The following USH2A variants were observed in gnomAD, a reference collection of about 807,000 sequenced individuals.
USH2A encodes Usher syndrome 2A (autosomal recessive, mild).
A neutral mutation model predicts 538.9 loss-of-function variants in USH2A; 443 were observed. That is an observed-to-expected ratio of 0.82 (90% CI 0.76 to 0.89). The LOEUF (loss-of-function observed/expected upper bound fraction) is 0.89. Ranked by LOEUF, USH2A falls within the 40% of genes least tolerant of loss-of-function variation. USH2A has a pLI of 0.00. For missense variants in USH2A, 6,633 were observed against 6,324.8 expected (o/e 1.05, Z -1.65); for synonymous variants, 2,413 against 2,273.5 (o/e 1.06, Z -1.75).
At chr1:216,280,118 T>C (rs1193994230) in intron 11 of USH2A, among the ~76,000 whole-genome samples, 1 of 151,414 alleles carries the variant, frequency 6.6e-6, no homozygotes, top group Non-Finnish European at 1.5e-5. Flanking sequence ...ATTTGATTGA[T>C]CTGAACTTAA....
chr1:216,267,018 T>C (rs1413376700), intron 11 of USH2A, among the ~76,000 whole-genome samples: 2 of 152,010 alleles, frequency 1.3e-5, no homozygotes, highest in Non-Finnish European at 2.9e-5. Context: ...CTGTGTATAA[T>C]TGGTATTTGA....
intron 58 of USH2A, among the ~76,000 whole-genome samples, chr1:215,758,038 C>T (rs1042207251): frequency 6.6e-6 from 1 of 151,916 alleles, no homozygotes; most frequent in African/African-American, 2.4e-5. Context: ...AATCCCAGCA[C>T]TTTGGGAGGC....
intron 11 of USH2A, among the ~76,000 whole-genome samples, chr1:216,262,312 C>A (rs1445965762): frequency 6.6e-6 from 1 of 151,528 alleles, no homozygotes; most frequent in Non-Finnish European, 1.5e-5. Context: ...AGATATGCAA[C>A]TGAAAAAAAT....
chr1:216,163,683 C>A (rs1465631103), intron 21 of USH2A, among the ~76,000 whole-genome samples: 2 of 151,814 alleles, frequency 1.3e-5, no homozygotes, highest in East Asian at 3.9e-4. Flanking sequence ...GAGGCTTTAT[C>A]TGAGGAAGAA....
intron 3 of USH2A, among the ~76,000 whole-genome samples, chr1:216,386,572 G>A (rs917115742): frequency 6.7e-6 from 1 of 149,550 alleles, no homozygotes; most frequent in Non-Finnish European, 1.5e-5. Context: ...TATATGCTGG[G>A]TGTGGTGTCT....
At chr1:216,251,537 G>A (rs1011611599) in intron 11 of USH2A, among the ~76,000 whole-genome samples, 3 of 127,968 alleles carry the variant, frequency 2.3e-5, no homozygotes, top group African/African-American at 8.7e-5. Flanking sequence ...TGCAAGCTCC[G>A]CCTTCTGGGT....
intron 9 of USH2A, among the ~76,000 whole-genome samples, chr1:216,300,695 T>C (rs1014392731): frequency 6.6e-6 from 1 of 151,594 alleles, no homozygotes; most frequent in Non-Finnish European, 1.5e-5. Context: ...AGATAACCCA[T>C]AGTCTCCAAA....
chr1:216,277,286 G>T (rs1043123036), intron 11 of USH2A, among the ~76,000 whole-genome samples: 1 of 151,984 alleles, frequency 6.6e-6, no homozygotes, highest in African/African-American at 2.4e-5. Flanking sequence ...CCTTGTTCCT[G>T]GGGCTTCTCT....
chr1:215,900,117 T>G lies in USH2A; in HGVS notation c.7552A>C (p.Ser2518Arg), dbSNP rs752937814. The change falls in exon 40 of 72, where the codon AGT becomes CGT. Residue 2518 changes from serine (S) to arginine (R), a missense_variant. Coordinates refer to ENST00000307340, the MANE Select transcript of USH2A (RefSeq NM_206933.4). ...AATGGAATCCAAGAACTATGTGCACTGCCAAATCCATTGGAGGCAACCAAC... is the reference window on the plus strand; with the variant it reads ...AATGGAATCCAAGAACTATGTGCACGGCCAAATCCATTGGAGGCAACCAAC... ...FRLVASNGFG[S>R]AHSSWIPFMT... 1.2e-6 allele frequency: 2 copies of G among 1,613,746 alleles called. No homozygotes were observed. The highest frequency in any genetic ancestry group is 1.7e-6 in the Non-Finnish European group (2 of 1,179,768).
intron 20 of USH2A, among the ~76,000 whole-genome samples, chr1:216,184,823 C>T (rs1181030238): frequency 1.3e-5 from 2 of 151,910 alleles, no homozygotes; most frequent in Non-Finnish European, 2.9e-5. Context: ...GTGTTTTCAA[C>T]CCAGCAGCAA....
intron 14 of USH2A, among the ~76,000 whole-genome samples, chr1:216,220,575 G>C (rs1488853054): frequency 6.6e-6 from 1 of 151,144 alleles, no homozygotes; most frequent in Non-Finnish European, 1.5e-5. Context: ...ATAAGCCAGG[G>C]AAGTCGGGGA....
At chr1:215,976,633 C>G (rs111620314) in intron 35 of USH2A, among the ~76,000 whole-genome samples, 10 of 152,168 alleles carry the variant, frequency 6.6e-5, no homozygotes, top group Non-Finnish European at 1.5e-4. Context: ...ATTTCCAACT[C>G]AAGGAGATTT....
chr1:216,230,369 G>T (rs2035652692), intron 14 of USH2A, among the ~76,000 whole-genome samples: 1 of 152,096 alleles, frequency 6.6e-6, no homozygotes. Flanking sequence ...TACTCATTTA[G>T]ATGATTTATA....
chr1:215,869,119 T>G (rs778819676), intron 43 of USH2A, among the ~76,000 whole-genome samples: 2 of 152,196 alleles, frequency 1.3e-5, no homozygotes, highest in Non-Finnish European at 2.9e-5. Context: ...ACCCATTCAT[T>G]CCTCACAAAA....
chr1:215,639,293 G>A, intron 68 of USH2A, 55 bp from the exon 69 acceptor site: 4 of 1,555,514 alleles, frequency 2.6e-6, no homozygotes, highest in Non-Finnish European at 3.5e-6. Context: ...CTACAAATAG[G>A]GCACATGCTT....
chr1:215,863,048 C>G (rs1270455929), intron 44 of USH2A, among the ~76,000 whole-genome samples: 1 of 152,064 alleles, frequency 6.6e-6, no homozygotes, highest in Non-Finnish European at 1.5e-5. Flanking sequence ...TGAGAAACAT[C>G]TTTAGGGATG....
chr1:215,730,702 C>T (rs138823997), intron 60 of USH2A, among the ~76,000 whole-genome samples: 24 of 152,318 alleles, frequency 1.6e-4, no homozygotes, highest in African/African-American at 5.0e-4. Context: ...TGATAAATCA[C>T]GATGACCTAA....
At chr1:216,288,637 G>C (rs11590492) in intron 11 of USH2A, among the ~76,000 whole-genome samples, 4,350 of 151,912 alleles carry the variant, frequency 0.029, 80 homozygotes, top group Middle Eastern at 0.065. Flanking sequence ...CTCCTTTACC[G>C]ATTTTCACAA....
intron 61 of USH2A, among the ~76,000 whole-genome samples, chr1:215,722,114 G>A (rs6671417): frequency 0.3 from 44,422 of 149,438 alleles, 7,689 homozygotes; most frequent in Middle Eastern, 0.43. Flanking sequence ...TCATTGTTTT[G>A]TGTGATATTT....
Sources: allele counts gnomAD v4.1 joint callset (sites outside exome capture counted in the v4.1 genomes callset), GRCh38; gene constraint gnomAD v4.1.1; transcripts MANE v1.5; gene names NCBI Gene and HGNC (gene_info 2026-07-23, HGNC 2026-07-21).